SMAD2: variants seen among roughly 807,000 people sequenced by gnomAD.
SMAD2 encodes the protein MAD homolog 2.
In SMAD2, 8 loss-of-function variants were observed where a neutral mutation model predicts 64.4. The observed-to-expected ratio is 0.12, with a 90% CI of 0.07 to 0.22. The LOEUF (loss-of-function observed/expected upper bound fraction) is 0.22. SMAD2 is among the 10% of genes least tolerant of loss of function. The pLI is 1.00. For missense variants in SMAD2, 289 were observed against 561.2 expected (o/e 0.51, Z 4.90); for synonymous variants, 203 against 195.8 (o/e 1.04, Z -0.31).
chr18:47,850,296 A>ATATAT (rs1915080998), intron 7 of SMAD2, among the ~76,000 whole-genome samples: 3 of 40,074 alleles, frequency 7.5e-5, no homozygotes, highest in African/African-American at 3.2e-4. Context: ...ATTATGTATA[A>ATATAT]TATATATTAT....
At chr18:47,925,615 C>T (rs1242227108) in intron 1 of SMAD2, among the ~76,000 whole-genome samples, 1 of 152,176 alleles carries the variant, frequency 6.6e-6, no homozygotes. Flanking sequence ...GAATACATCA[C>T]AATTACACCA....
intron 2 of SMAD2, among the ~76,000 whole-genome samples, chr18:47,873,900 G>T (rs944905816): frequency 6.6e-6 from 1 of 152,096 alleles, no homozygotes; most frequent in African/African-American, 2.4e-5. Flanking sequence ...TACTGACCTA[G>T]AATCAGAGGA....
At chr18:47,923,003 A>G (rs1377910418) in intron 1 of SMAD2, among the ~76,000 whole-genome samples, 1 of 152,040 alleles carries the variant, frequency 6.6e-6, no homozygotes, top group East Asian at 1.9e-4. Flanking sequence ...GAAAATTATT[A>G]TTTTAGCAAA....
intron 6 of SMAD2, among the ~76,000 whole-genome samples, chr18:47,857,384 A>G (rs555336435): frequency 2.6e-5 from 4 of 152,296 alleles, no homozygotes; most frequent in South Asian, 2.1e-4. Flanking sequence ...TAGGTTTTAC[A>G]TATTTCCAAT....
Position 47,835,296 on chromosome 18 carries a change from T to C in SMAD2, c.*6531A>G, listed in dbSNP as rs1913314646. On this transcript the variant is annotated 3_prime_UTR_variant, in exon 11 of 11. Coordinates refer to ENST00000262160, the MANE Select transcript of SMAD2 (RefSeq NM_005901.6). Reference sequence around the variant, plus strand: ...TAAAAAAATTCAAAACTCATGCATGTTACCTACTTGTCATGTGTGAATTAT... The same window carrying C: ...TAAAAAAATTCAAAACTCATGCATGCTACCTACTTGTCATGTGTGAATTAT... 9.5e-6 allele frequency: 2 copies of C among 209,646 alleles called. No homozygotes were observed. Among genetic ancestry groups the C allele is most frequent in the African/African-American group, 4.5e-5 (2 of 44,014 alleles). 13.0% of individuals were successfully genotyped at this position (209,646 alleles called of 1,614,324 possible).
At chr18:47,902,384 C>A (rs940255510) in intron 1 of SMAD2, among the ~76,000 whole-genome samples, 1 of 152,152 alleles carries the variant, frequency 6.6e-6, no homozygotes, top group Non-Finnish European at 1.5e-5. Flanking sequence ...TGCATCCTAT[C>A]CCCCAAAACG....
At chr18:47,913,165 T>C (rs1321507373) in intron 1 of SMAD2, among the ~76,000 whole-genome samples, 1 of 152,064 alleles carries the variant, frequency 6.6e-6, no homozygotes, top group Non-Finnish European at 1.5e-5. Context: ...AGATGATCCA[T>C]CCGCCTCGGC....
At chr18:47,886,342 A>G (rs549897454) in intron 2 of SMAD2, among the ~76,000 whole-genome samples, 1 of 152,314 alleles carries the variant, frequency 6.6e-6, no homozygotes, top group African/African-American at 2.4e-5. Context: ...TGTTTAGGCA[A>G]ATGTTTAAGC....
In SMAD2 at chr18:47,833,183, G is replaced by C. The variant is rs1320330428; in HGVS notation, c.*8644C>G. On this transcript the variant is annotated 3_prime_UTR_variant, in exon 11 of 11. Transcript: ENST00000262160. ...GTGACAGGGCTGTTAACACAGGTAA[G>C]AGCAAACAAGGTAAAAAGTGAAAGC... is the stretch of plus-strand genomic sequence containing the variant. 2.9e-5 allele frequency: 6 copies of C among 207,468 alleles called. No homozygotes were observed. The allele number at this position is 207,468 out of a possible 1,614,324, so 12.9% of individuals were successfully genotyped here.
intron 1 of SMAD2, among the ~76,000 whole-genome samples, chr18:47,909,341 GA>G: frequency 1.3e-5 from 2 of 152,296 alleles, no homozygotes; most frequent in Middle Eastern, 3.4e-3. Flanking sequence ...TGAGAATTTA[GA>G]AACAGGCTGG....
intron 1 of SMAD2, chr18:47,922,481 G>C (rs1598902413): frequency 6.6e-6 from 1 of 152,160 alleles, no homozygotes. Context: ...CATTGTATTA[G>C]ATATTAAGTA....
rs1203107112 is a variant in SMAD2, at chr18:47,820,160, G to A, written c.*21667C>T. On this transcript the variant is annotated 3_prime_UTR_variant, in exon 11 of 11. Transcript: ENST00000262160. The stretch of plus-strand genomic sequence containing the variant: ...TGCTGAAAATATTAGTTTGTTCTTG[G>A]CTTCCTAAATTATAGAAAGACTAAA... 1 of 151,836 alleles carries A rather than the reference G, an allele frequency of 6.6e-6. No homozygotes were observed. Among genetic ancestry groups the A allele is most frequent in the African/African-American group, 2.4e-5 (1 of 41,328 alleles). 9.4% of individuals were successfully genotyped at this position (151,836 alleles called of 1,614,324 possible).
rs762990520 is a variant in SMAD2 at position 47,865,093 on chromosome 18, T to G, written c.696A>C (p.Thr232=). 5.0e-6 allele frequency: 8 copies of G among 1,611,358 alleles called. No individual in the cohort carries two copies. Among genetic ancestry groups the G allele is most frequent in the Non-Finnish European group, 6.8e-6 (8 of 1,177,814 alleles). ...PPGYISEDGE[T]SDQQLNQSMD... ...TACTTTGATTCAACTGTTGGTCACTTGTTTCTCCATCTTCACTGATATATC... is the reference window on the plus strand; with the variant it reads ...TACTTTGATTCAACTGTTGGTCACTGGTTTCTCCATCTTCACTGATATATC... The change falls in exon 6 of 11, where the codon ACA becomes ACC. Residue 232 remains threonine, a synonymous_variant. Transcript: ENST00000262160.
At chr18:47,903,254 T>C (rs1423286805) in intron 1 of SMAD2, among the ~76,000 whole-genome samples, 2 of 151,832 alleles carry the variant, frequency 1.3e-5, no homozygotes, top group Non-Finnish European at 2.9e-5. Flanking sequence ...GAGGCTGAAA[T>C]GAGTAGCGAA....
chr18:47,853,392 C>T lies in SMAD2; in HGVS notation c.731-2065G>A, dbSNP rs1394658267. The T allele has an allele frequency of 1.2e-4, 26 of 217,264 alleles. 7 individuals are homozygous for T. Among genetic ancestry groups the T allele is most frequent in the Non-Finnish European group, 7.8e-5 (10 of 128,066 alleles). The allele number at this position is 217,264 out of a possible 1,614,324, so 13.5% of individuals were successfully genotyped here. On this transcript the variant is annotated intron_variant, in intron 6 of 10. Transcript: ENST00000262160. Reference sequence around the variant, plus strand: ...TTATTATACGAATGGGGGCTTCAACCGGGAGTACTACTCGATTGTCAAAGT... The same window carrying T: ...TTATTATACGAATGGGGGCTTCAACTGGGAGTACTACTCGATTGTCAAAGT...
intron 6 of SMAD2, among the ~76,000 whole-genome samples, chr18:47,859,402 C>G (rs2030989449): frequency 6.6e-6 from 1 of 152,068 alleles, no homozygotes; most frequent in Non-Finnish European, 1.5e-5. Flanking sequence ...GAACTCTTAT[C>G]AAGATAAGTT....
intron 6 of SMAD2, among the ~76,000 whole-genome samples, chr18:47,860,087 C>T (rs570961719): frequency 2.2e-4 from 33 of 152,104 alleles, no homozygotes; most frequent in Non-Finnish European, 3.7e-4. Context: ...CGTGAGCCAA[C>T]CAGGCCACTG....
chr18:47,850,076 C>T (rs935343627), intron 7 of SMAD2, among the ~76,000 whole-genome samples: 7 of 144,226 alleles, frequency 4.9e-5, no homozygotes, highest in Non-Finnish European at 7.5e-5. Flanking sequence ...CATTTTTTCC[C>T]GATTATTTTC....
At chr18:47,883,104 T>G (rs141243094) in intron 2 of SMAD2, among the ~76,000 whole-genome samples, 1 of 152,234 alleles carries the variant, frequency 6.6e-6, no homozygotes, top group Non-Finnish European at 1.5e-5. Flanking sequence ...CTACTTACTT[T>G]CTATTTTATC....
Sources: allele counts gnomAD v4.1 joint callset (sites outside exome capture counted in the v4.1 genomes callset), GRCh38; gene constraint gnomAD v4.1.1; transcripts MANE v1.5; gene names NCBI Gene and HGNC (gene_info 2026-07-23, HGNC 2026-07-21).